The following CSMD1 variants were observed in gnomAD, a reference collection of about 807,000 sequenced individuals.
CSMD1 encodes CUB and sushi domain-containing protein 1.
In CSMD1, 213 loss-of-function variants were observed where a neutral mutation model predicts 417.5. That is an observed-to-expected ratio of 0.51 (90% confidence interval 0.46 to 0.57). The LOEUF (loss-of-function observed/expected upper bound fraction) is 0.57. Ranked by LOEUF, CSMD1 falls within the 20% of genes least tolerant of loss-of-function variation. The pLI, the probability that CSMD1 is intolerant of heterozygous loss-of-function variation, is 0.00. For missense variants in CSMD1, 6,923 were observed against 4,529.7 expected (o/e 1.53, Z -15.17); for synonymous variants, 2,862 against 1,736.8 (o/e 1.65, Z -16.11).
intron 5 of CSMD1, among the ~76,000 whole-genome samples, chr8:3,819,805 A>G (rs1267446650): frequency 1.3e-5 from 2 of 152,110 alleles, no homozygotes; most frequent in South Asian, 4.2e-4. Flanking sequence ...CTGGCCTCCC[A>G]AAGTACTGAG....
intron 31 of CSMD1, among the ~76,000 whole-genome samples, chr8:3,204,648 T>A (rs1272619748): frequency 6.6e-6 from 1 of 152,170 alleles, no homozygotes; most frequent in East Asian, 1.9e-4. Context: ...TTCTTACACA[T>A]CAAATATCTT....
chr8:3,702,475 T>C (rs1373792115), intron 7 of CSMD1, among the ~76,000 whole-genome samples: 1 of 152,222 alleles, frequency 6.6e-6, no homozygotes, highest in Non-Finnish European at 1.5e-5. Context: ...AAAACTGGTT[T>C]CTGCCAAGAA....
intron 1 of CSMD1, among the ~76,000 whole-genome samples, chr8:4,768,084 C>T (rs1475974848): frequency 6.6e-6 from 1 of 152,120 alleles, no homozygotes; most frequent in African/African-American, 2.4e-5. Context: ...GGACCTTCCA[C>T]CCAGCAGTTA....
chr8:4,775,494 C>G (rs896429873), intron 1 of CSMD1, among the ~76,000 whole-genome samples: 3 of 152,082 alleles, frequency 2.0e-5, no homozygotes, highest in South Asian at 2.1e-4. Flanking sequence ...ATAAAATAAG[C>G]AATCATTTTC....
intron 2 of CSMD1, among the ~76,000 whole-genome samples, chr8:4,461,060 C>G (rs1799785944): frequency 6.6e-6 from 1 of 152,080 alleles, no homozygotes; most frequent in South Asian, 2.1e-4. Flanking sequence ...GCATTATATA[C>G]TGTGTCCAAG....
At chr8:4,520,629 T>A (rs989482564) in intron 2 of CSMD1, among the ~76,000 whole-genome samples, 1 of 152,178 alleles carries the variant, frequency 6.6e-6, no homozygotes, top group Non-Finnish European at 1.5e-5. Flanking sequence ...TTGGTTTAGA[T>A]AAGTTATTTC....
chr8:4,001,256 G>T (rs774591291), intron 4 of CSMD1, among the ~76,000 whole-genome samples: 2 of 152,128 alleles, frequency 1.3e-5, no homozygotes, highest in Admixed American at 1.3e-4. Flanking sequence ...GACCAGAAGT[G>T]AATTTAAACC....
intron 3 of CSMD1, among the ~76,000 whole-genome samples, chr8:4,155,352 A>C (rs1441804899): frequency 6.6e-6 from 1 of 152,142 alleles, no homozygotes. Context: ...CCGCAGGGTA[A>C]ACAGCCACGC....
intron 2 of CSMD1, among the ~76,000 whole-genome samples, chr8:4,539,397 A>T (rs907659044): frequency 1.4e-4 from 22 of 152,250 alleles, no homozygotes; most frequent in Non-Finnish European, 3.2e-4. Context: ...GTTCCCACAG[A>T]ATCATCATTT....
intron 1 of CSMD1, among the ~76,000 whole-genome samples, chr8:4,942,370 T>A (rs1392811156): frequency 2.0e-5 from 3 of 152,222 alleles, no homozygotes; most frequent in Non-Finnish European, 2.9e-5. Flanking sequence ...TGTAGTTTGA[T>A]GTTTCTTTGC....
intron 3 of CSMD1, among the ~76,000 whole-genome samples, chr8:4,154,168 G>C (rs568619963): frequency 2.0e-5 from 3 of 152,268 alleles, no homozygotes; most frequent in Admixed American, 2.0e-4. Flanking sequence ...ACCTATGATA[G>C]GAGATCTATA....
At chr8:3,832,900 G>T (rs148499864) in intron 5 of CSMD1, among the ~76,000 whole-genome samples, 1 of 152,050 alleles carries the variant, frequency 6.6e-6, no homozygotes, top group Admixed American at 6.6e-5. Context: ...TATTGCATAA[G>T]CAACACAAAT....
chr8:4,626,461 G>C (rs1448761450), intron 2 of CSMD1, among the ~76,000 whole-genome samples: 2 of 152,110 alleles, frequency 1.3e-5, no homozygotes, highest in Non-Finnish European at 2.9e-5. Context: ...AGGGTTTAGT[G>C]TGAGATGGGT....
intron 5 of CSMD1, among the ~76,000 whole-genome samples, chr8:3,818,290 T>C (rs909066873): frequency 6.6e-6 from 1 of 151,880 alleles, no homozygotes; most frequent in South Asian, 2.1e-4. Flanking sequence ...AGCCACAGGG[T>C]GTAGTGGGAG....
At chr8:3,111,369 T>G (rs1406114987) in intron 42 of CSMD1, among the ~76,000 whole-genome samples, 2 of 147,234 alleles carry the variant, frequency 1.4e-5, no homozygotes, top group South Asian at 2.2e-4. Context: ...AGGGACTGTA[T>G]GTAGAGACTA....
At chr8:3,994,004 C>T (rs541768947) in intron 5 of CSMD1, among the ~76,000 whole-genome samples, 8 of 152,172 alleles carry the variant, frequency 5.3e-5, no homozygotes, top group Non-Finnish European at 7.4e-5. Context: ...AGGGGATGGG[C>T]GTGCCTGGCA....
chr8:3,731,100 T>G (rs1001708529), intron 6 of CSMD1, among the ~76,000 whole-genome samples: 6 of 152,344 alleles, frequency 3.9e-5, no homozygotes, highest in Non-Finnish European at 8.8e-5. Flanking sequence ...TCAAGTTTAT[T>G]GTCGAGCACA....
rs564797681 is a variant in CSMD1 at position 3,808,248 on chromosome 8, G to C, written c.819-54206C>G. Among the ~76,000 whole-genome samples the C allele has an allele frequency of 5.9e-5, 9 of 152,244 alleles. No individual in the cohort carries two copies. In the East Asian group the frequency reaches 1.5e-3, roughly 26 times the overall value. On this transcript the variant is annotated intron_variant, in intron 5 of 69. Transcript: ENST00000635120. ...AGAGATATACTACAAAATTCACTAA[G>C]TAGTCACATTTACTAAGGAATATAA...
At chr8:3,078,506 G>A (rs752193513) in intron 49 of CSMD1, among the ~76,000 whole-genome samples, 7 of 152,196 alleles carry the variant, frequency 4.6e-5, no homozygotes, top group East Asian at 1.9e-4. Flanking sequence ...TGGACTCTGC[G>A]TTTCAGTCTG....
Sources: allele counts gnomAD v4.1 joint callset (sites outside exome capture counted in the v4.1 genomes callset), GRCh38; gene constraint gnomAD v4.1.1; transcripts MANE v1.5; gene names NCBI Gene and HGNC (gene_info 2026-07-23, HGNC 2026-07-21).